AFG2A: variants seen among roughly 807,000 people sequenced by gnomAD.
AFG2A encodes the protein AAA ATPase AFG2A.
chr4:123,039,220 AG>A, the AFG2A span, among the ~76,000 whole-genome samples: 3 of 152,152 alleles, frequency 2.0e-5, no homozygotes, highest in African/African-American at 4.8e-5. Context: ...GCCTGAATAA[AG>A]AAATCTCTTC....
chr4:122,972,238 AT>A, the AFG2A span, among the ~76,000 whole-genome samples: 1 of 151,880 alleles, frequency 6.6e-6, no homozygotes, highest in African/African-American at 2.4e-5. Flanking sequence ...GTTTTGGTAA[AT>A]TTTTTTCCCC....
chr4:123,253,138 G>A, the AFG2A span, among the ~76,000 whole-genome samples: 2 of 152,042 alleles, frequency 1.3e-5, no homozygotes, highest in Admixed American at 1.3e-4. Flanking sequence ...ATGGGTGTTT[G>A]AGACCAGCCT....
At chr4:123,196,070 A>T in the AFG2A span, among the ~76,000 whole-genome samples, 1 of 149,808 alleles carries the variant, frequency 6.7e-6, no homozygotes, top group South Asian at 2.1e-4. Context: ...GTGCATTCTC[A>T]GCTCACTGCA....
the AFG2A span, among the ~76,000 whole-genome samples, chr4:123,071,222 T>C: frequency 1.3e-5 from 2 of 152,218 alleles, no homozygotes. Context: ...GGCTCACGCC[T>C]GTAATCCCAG....
chr4:123,304,379 CA>C, the AFG2A span, among the ~76,000 whole-genome samples: 1 of 152,148 alleles, frequency 6.6e-6, no homozygotes, highest in Non-Finnish European at 1.5e-5. Context: ...CATGTGTTCG[CA>C]AACAGCAGGA....
At chr4:122,982,944 G>T in the AFG2A span, among the ~76,000 whole-genome samples, 120,115 of 144,042 alleles carry the variant, frequency 0.83, 51,061 homozygotes, top group East Asian at 0.96. Flanking sequence ...CTTGGCTCAC[G>T]GCAACCTCCG....
At chr4:123,180,694 A>G in the AFG2A span, among the ~76,000 whole-genome samples, 3 of 152,226 alleles carry the variant, frequency 2.0e-5, no homozygotes, top group Middle Eastern at 3.2e-3. Context: ...ACATTTCAGT[A>G]TTTTGAAAGA....
the AFG2A span, among the ~76,000 whole-genome samples, chr4:122,942,116 C>T: frequency 4.0e-5 from 6 of 150,564 alleles, no homozygotes; most frequent in South Asian, 2.1e-4. Flanking sequence ...TGTCTCTGCC[C>T]GGCTTTGGTA....
chr4:123,198,360 T>C, the AFG2A span, among the ~76,000 whole-genome samples: 1 of 152,122 alleles, frequency 6.6e-6, no homozygotes, highest in Non-Finnish European at 1.5e-5. Context: ...TTGTTCCATA[T>C]TGTGAAGGGT....
the AFG2A span, chr4:122,979,328 A>G: frequency 1.9e-6 from 3 of 1,614,248 alleles, no homozygotes; most frequent in Non-Finnish European, 2.5e-6. Flanking sequence ...GATTTCTTGC[A>G]GGCAATGAAT....
chr4:123,180,195 G>A, the AFG2A span, among the ~76,000 whole-genome samples: 1 of 152,168 alleles, frequency 6.6e-6, no homozygotes, highest in African/African-American at 2.4e-5. Flanking sequence ...ACTCCAGCCT[G>A]GGCGACAGAG....
At chr4:123,057,352 A>G in the AFG2A span, 1 of 1,490,298 alleles carries the variant, frequency 6.7e-7, no homozygotes, top group Non-Finnish European at 9.3e-7. Flanking sequence ...AATAGCAATT[A>G]TGGTATAAAT....
At chr4:122,988,613 T>C in the AFG2A span, among the ~76,000 whole-genome samples, 1 of 151,980 alleles carries the variant, frequency 6.6e-6, no homozygotes, top group East Asian at 1.9e-4. Flanking sequence ...GCCAGGATGG[T>C]CTTGATTTCC....
chr4:123,263,907 A>T, the AFG2A span, among the ~76,000 whole-genome samples: 1 of 152,212 alleles, frequency 6.6e-6, no homozygotes, highest in African/African-American at 2.4e-5. Context: ...ATACTTACAC[A>T]TGCATGTTTA....
the AFG2A span, among the ~76,000 whole-genome samples, chr4:123,280,115 A>G: frequency 6.6e-6 from 1 of 152,158 alleles, no homozygotes; most frequent in Non-Finnish European, 1.5e-5. Context: ...TGCATTTAGT[A>G]GACCTGGGTT....
chr4:123,022,916 G>T, the AFG2A span, among the ~76,000 whole-genome samples: 24 of 151,300 alleles, frequency 1.6e-4, no homozygotes, highest in East Asian at 2.3e-3. Flanking sequence ...ATCATCATTC[G>T]CAGTAAACTA....
the AFG2A span, among the ~76,000 whole-genome samples, chr4:123,210,524 T>G: frequency 6.6e-6 from 1 of 152,342 alleles, no homozygotes; most frequent in East Asian, 1.9e-4. Context: ...CAGACTTTCC[T>G]TCTTTTTTTA....
the AFG2A span, chr4:122,934,019 T>A: frequency 7.1e-7 from 1 of 1,399,254 alleles, no homozygotes; most frequent in African/African-American, 1.5e-5. Context: ...AGATAATAGA[T>A]GAAATATATT....
At chr4:123,058,175 A>C in the AFG2A span, among the ~76,000 whole-genome samples, 1 of 152,164 alleles carries the variant, frequency 6.6e-6, no homozygotes, top group Non-Finnish European at 1.5e-5. Context: ...GACATACTCG[A>C]GACTGGGTAA....
Sources: gnomAD v4.1 joint callset for allele counts (sites outside exome capture counted in the v4.1 genomes callset) on GRCh38, gnomAD v4.1.1 for gene constraint, MANE v1.5 for transcripts, NCBI Gene and HGNC (gene_info 2026-07-23, HGNC 2026-07-21) for gene names.